Variants in LPGAT1 observed in about 807,000 individuals in gnomAD.
LPGAT1 encodes the protein lysophosphatidylglycerol acyltransferase 1.
In LPGAT1, 11 loss-of-function variants were observed where a neutral mutation model predicts 47.5. The observed-to-expected ratio is 0.23, with a 90% CI of 0.15 to 0.38. LPGAT1 has a LOEUF of 0.38. Ranked by LOEUF, LPGAT1 falls within the 10% of genes least tolerant of loss-of-function variation. The probability of loss-of-function intolerance (pLI) is 1.00; values close to 1 mark genes in which losing one functional copy is unlikely to be tolerated. For missense variants in LPGAT1, 293 were observed against 439.0 expected, an observed-to-expected ratio of 0.67 and a Z score of 2.97; for synonymous variants, 138 against 144.2, an observed-to-expected ratio of 0.96 and a Z score of 0.31.
chr1:211,808,935 C>T (rs1474190663), intron 2 of LPGAT1, among the ~76,000 whole-genome samples: 1 of 152,048 alleles, frequency 6.6e-6, no homozygotes, highest in Non-Finnish European at 1.5e-5. Context: ...CGGTGGCTCA[C>T]GCCTGTAATC....
intron 2 of LPGAT1, among the ~76,000 whole-genome samples, chr1:211,819,285 G>C (rs926936489): frequency 1.8e-4 from 28 of 152,126 alleles, no homozygotes; most frequent in African/African-American, 6.8e-4. Flanking sequence ...CTGAGGCCAG[G>C]AGTTTGAGAC....
At chr1:211,820,539 CA>C (rs11371645) in intron 2 of LPGAT1, among the ~76,000 whole-genome samples, 103 of 124,512 alleles carry the variant, frequency 8.3e-4, no homozygotes, top group African/African-American at 2.9e-3. Flanking sequence ...TAGAACTAAA[CA>C]AAAAAAAAAA....
At position 211,747,285 on chromosome 1, in the gene LPGAT1, G is replaced by C. The variant is rs965855636; in HGVS notation, c.*2614C>G. 1 of 152,138 alleles carries C rather than the reference G, an allele frequency of 6.6e-6. No homozygotes were observed. The highest frequency in any genetic ancestry group is 1.5e-5 in the Non-Finnish European group (1 of 68,024). The allele number at this position is 152,138 out of a possible 1,614,324, so 9.4% of individuals were successfully genotyped here. On this transcript the variant is annotated 3_prime_UTR_variant, in exon 8 of 8. Transcript: ENST00000366997. The stretch of plus-strand genomic sequence containing the variant: ...TTTCAAACATATTTTGCAAACAGAA[G>C]AGAGAGAACATGTTAAAGAATCAAA...
At position 211,800,193 on chromosome 1, in the gene LPGAT1, A is replaced by ATTT. The variant is rs376366429; in HGVS notation, c.239-7006_239-7004dup. 2.1e-5 allele frequency among the ~76,000 whole-genome samples: 3 copies of ATTT among 141,870 alleles called. No homozygotes were observed. In the Admixed American group the frequency reaches 2.1e-4, roughly 10 times the overall value. The allele number at this position is 141,870 out of a possible 152,430, so 93.1% of individuals were successfully genotyped here. A position where few individuals can be genotyped will look rare whatever the true frequency, so the allele number is the denominator to read the frequency against. On this transcript the variant is annotated intron_variant, in intron 2 of 7. Coordinates refer to ENST00000366997, the MANE Select transcript of LPGAT1 (RefSeq NM_014873.3). The stretch of plus-strand genomic sequence containing the variant: ...GGAACTACAGGTATGTGTCCAGCTA[A>ATTT]TTTTTTTTTTTTTTTTGTATTTTAG...
At chr1:211,785,928 T>A (rs1246920244) in intron 4 of LPGAT1, among the ~76,000 whole-genome samples, 2 of 152,086 alleles carry the variant, frequency 1.3e-5, no homozygotes, top group Non-Finnish European at 2.9e-5. Flanking sequence ...TGCCTGATGA[T>A]CATCATTAGA....
intron 6 of LPGAT1, among the ~76,000 whole-genome samples, chr1:211,752,170 T>C (rs1012579128): frequency 6.6e-6 from 1 of 152,246 alleles, no homozygotes. Flanking sequence ...TTTCCCTGGA[T>C]TGAGAAATTA....
At chr1:211,822,234 G>A (rs1660387581) in intron 2 of LPGAT1, among the ~76,000 whole-genome samples, 1 of 152,116 alleles carries the variant, frequency 6.6e-6, no homozygotes, top group Non-Finnish European at 1.5e-5. Flanking sequence ...GTGAAGGTGT[G>A]TGCATGCATG....
intron 2 of LPGAT1, among the ~76,000 whole-genome samples, chr1:211,822,751 C>A (rs1296465086): frequency 4.7e-5 from 7 of 149,010 alleles, no homozygotes; most frequent in African/African-American, 1.7e-4. Context: ...GCACTCCAGC[C>A]TGGGTGACAG....
chr1:211,830,566 AGGTTACCTCGGGCTGGCCG>A lies in LPGAT1; in HGVS notation c.-40_-28+6del. 1 of 1,033,888 alleles carries A rather than the reference AGGTTACCTCGGGCTGGCCG, an allele frequency of 9.7e-7. No individual in the cohort carries two copies. The highest frequency in any genetic ancestry group is 1.2e-6 in the Non-Finnish European group (1 of 860,914). The allele number at this position is 1,033,888 out of a possible 1,614,324, so 64.0% of individuals were successfully genotyped here. ...CTGGGGCCTGCGACCGCGGAGCCGG[AGGTTACCTCGGGCTGGCCG>A]GGCCCCAGCCGGGGCTTTGGGAGTC... On this transcript the variant is annotated splice_donor_variant and splice_donor_5th_base_variant and 5_prime_UTR_variant and intron_variant, in exon 1 of 8. Coordinates refer to ENST00000366997, the MANE Select transcript of LPGAT1 (RefSeq NM_014873.3). LOFTEE classifies it low-confidence loss of function (5UTR_SPLICE). This position sits in a 1 kb window ranked among gnomAD's most constrained non-coding sequence, Gnocchi z 5.9.
intron 2 of LPGAT1, among the ~76,000 whole-genome samples, chr1:211,796,645 C>T (rs1659364526): frequency 6.6e-6 from 1 of 151,900 alleles, no homozygotes; most frequent in Admixed American, 6.6e-5. Flanking sequence ...TTAACATAAC[C>T]CCTCCCTCAA....
chr1:211,795,780 C>T (rs1012667820), intron 2 of LPGAT1, among the ~76,000 whole-genome samples: 9 of 152,206 alleles, frequency 5.9e-5, no homozygotes, highest in African/African-American at 2.2e-4. Context: ...CACAAACACA[C>T]ACACACATGC....
At chr1:211,787,195 G>A (rs923444499) in intron 4 of LPGAT1, among the ~76,000 whole-genome samples, 31 of 152,106 alleles carry the variant, frequency 2.0e-4, no homozygotes, top group African/African-American at 7.5e-4. Flanking sequence ...TTCCGAGAAA[G>A]AGCTCCCTGA....
chr1:211,790,957 T>G (rs1429649853), intron 3 of LPGAT1, among the ~76,000 whole-genome samples: 1 of 152,206 alleles, frequency 6.6e-6, no homozygotes, highest in Non-Finnish European at 1.5e-5. Flanking sequence ...TGTTAACTAA[T>G]TGGAGATTCT....
In LPGAT1 at chr1:211,748,699, A is replaced by G. The variant is rs1340113381; in HGVS notation, c.*1200T>C. The G allele has an allele frequency of 2.0e-5, 3 of 153,090 alleles. No individual in the cohort carries two copies. Among genetic ancestry groups the G allele is most frequent in the African/African-American group, 7.2e-5 (3 of 41,542 alleles). The allele number at this position is 153,090 out of a possible 1,614,324, so 9.5% of individuals were successfully genotyped here. On this transcript the variant is annotated 3_prime_UTR_variant, in exon 8 of 8. Coordinates refer to ENST00000366997, the MANE Select transcript of LPGAT1 (RefSeq NM_014873.3). ...GACCTGTCTAAAAAAAAAAGAAAAAAGAAAAAGCAACTGGAAGAGATTGGG... is the reference window on the plus strand; with the variant it reads ...GACCTGTCTAAAAAAAAAAGAAAAAGGAAAAAGCAACTGGAAGAGATTGGG...
At chr1:211,767,242 G>A (rs112107759) in intron 6 of LPGAT1, among the ~76,000 whole-genome samples, 36 of 152,234 alleles carry the variant, frequency 2.4e-4, no homozygotes, top group African/African-American at 8.7e-4. Context: ...GGGTTCAAGT[G>A]ATTCTCCTGC....
chr1:211,817,806 G>A (rs1040653779), intron 2 of LPGAT1, among the ~76,000 whole-genome samples: 1 of 152,018 alleles, frequency 6.6e-6, no homozygotes, highest in African/African-American at 2.4e-5. Flanking sequence ...CAGCAGTTGA[G>A]ATTACTAACA....
intron 2 of LPGAT1, among the ~76,000 whole-genome samples, chr1:211,796,655 A>G (rs2102561856): frequency 6.6e-6 from 1 of 152,004 alleles, no homozygotes; most frequent in African/African-American, 2.4e-5. Flanking sequence ...CCCTCCCTCA[A>G]TTTTCCCCAT....
chr1:211,761,564 G>A (rs980755324), intron 6 of LPGAT1, among the ~76,000 whole-genome samples: 6 of 152,230 alleles, frequency 3.9e-5, no homozygotes, highest in African/African-American at 1.4e-4. Flanking sequence ...AGAACTGGGA[G>A]AAACAGAGCT....
At chr1:211,820,005 G>T (rs962968081) in intron 2 of LPGAT1, among the ~76,000 whole-genome samples, 2 of 151,964 alleles carry the variant, frequency 1.3e-5, no homozygotes, top group African/African-American at 4.8e-5. Context: ...AGGCAGGCAG[G>T]GGGGTGGTTT....
Sources: allele counts gnomAD v4.1 joint callset (sites outside exome capture counted in the v4.1 genomes callset), GRCh38; gene constraint gnomAD v4.1.1; non-coding constraint Gnocchi (gnomAD v3.1); transcripts MANE v1.5; gene names NCBI Gene and HGNC (gene_info 2026-07-23, HGNC 2026-07-21).